ZNF91: variants seen among roughly 807,000 people sequenced by gnomAD.
ZNF91 encodes the protein zinc finger protein 91, also known as zinc finger protein 91 (HPF7, HTF10).
In ZNF91, 7 loss-of-function variants were observed where a neutral mutation model predicts 12.6. The observed-to-expected ratio is 0.55, with a 90% CI of 0.31 to 1.04. ZNF91 has a LOEUF of 1.04. Among genes scored for constraint, ZNF91 ranks in the 50% least tolerant of loss-of-function variants. ZNF91 has a pLI of 0.05. For synonymous variants in ZNF91, 453 were observed against 462.6 expected, an observed-to-expected ratio of 0.98 and a Z score of 0.27; for missense variants, 1,217 against 1,385.4, an observed-to-expected ratio of 0.88 and a Z score of 1.93.
rs765123317 is a variant in ZNF91, at chr19:23,395,340, A to T, written c.15T>A (p.Pro5=). Residue 5 remains proline, a synonymous_variant, in exon 1 of 4, where the codon CCT becomes CCA. Transcript: ENST00000300619. ...GCAGTCTCACCATTTCTAGGCTTCC[A>T]GGGGTTCCTGGCATCTTAGCTGTGG... MPGT[P]GSLEMGLLTF... is the part of the protein sequence containing the mutation. 2 of 1,613,764 alleles carry T rather than the reference A, an allele frequency of 1.2e-6. No homozygotes were observed. The highest frequency in any genetic ancestry group is 4.5e-5 in the East Asian group (2 of 44,864).
intron 3 of ZNF91, among the ~76,000 whole-genome samples, chr19:23,369,002 T>C (rs551967483): frequency 1.3e-5 from 2 of 152,254 alleles, no homozygotes; most frequent in Non-Finnish European, 2.9e-5. Context: ...ACCAAATCTC[T>C]TGATAATGCA....
At chr19:23,363,672 G>A (rs913357516) in intron 3 of ZNF91, among the ~76,000 whole-genome samples, 1 of 152,028 alleles carries the variant, frequency 6.6e-6, no homozygotes, top group African/African-American at 2.4e-5. Context: ...GCAATATGAT[G>A]CCACCAAAAT....
At chr19:23,309,024 T>G (rs1285664059) in exon 2 of ZNF91, 2 of 150,750 alleles carry the variant, frequency 1.3e-5, no homozygotes, top group Non-Finnish European at 2.9e-5. Flanking sequence ...GCAGAAGCAC[T>G]GCCCAAAGGA....
downstream of ZNF91, chr19:23,338,281 A>G (rs1030693372): frequency 6.6e-6 from 1 of 152,154 alleles, no homozygotes; most frequent in Non-Finnish European, 1.5e-5. Context: ...GCATCTAGTA[A>G]TTTATAAAGA....
chr19:23,315,456 G>C (rs1304331898), upstream of ZNF91, among the ~76,000 whole-genome samples: 5 of 152,104 alleles, frequency 3.3e-5, no homozygotes, highest in Non-Finnish European at 7.4e-5. Flanking sequence ...CCACAGAAGG[G>C]ATAATGAATT....
In ZNF91 at chr19:23,359,879, A is replaced by T; in HGVS notation, c.3100T>A (p.Ser1034Thr). ...CEECGKAFNR[S>T]SKLTTHKIIH... ...ATCTTATGTGTAGTAAGCTTTGAGG[A>T]TCGATTAAAAGCTTTGCCACATTCT... Residue 1034 changes from serine to threonine, a missense_variant, in exon 4 of 4, where the codon TCC becomes ACC. Physicochemically the swap from Ser to Thr is moderately conservative, Grantham distance 58 (BLOSUM62 1). This residue lies in a region of ZNF91 where 491 missense variants were observed against 489.8 expected (regional missense o/e 1.00). Transcript: ENST00000300619. 6.3e-7 allele frequency: 1 copy of T among 1,589,004 alleles called. No individual in the cohort carries two copies. Among genetic ancestry groups the T allele is most frequent in the Non-Finnish European group, 8.6e-7 (1 of 1,160,642 alleles).
intron 1 of ZNF91, among the ~76,000 whole-genome samples, chr19:23,317,754 G>A (rs532976744): frequency 6.6e-5 from 10 of 152,286 alleles, no homozygotes; most frequent in African/African-American, 2.2e-4. Context: ...CACCTGTGAG[G>A]CTGTGACTCT....
chr19:23,318,155 C>A (rs1315722634), intron 1 of ZNF91, among the ~76,000 whole-genome samples: 2 of 152,196 alleles, frequency 1.3e-5, no homozygotes, highest in Non-Finnish European at 2.9e-5. Flanking sequence ...TCTGTTTTGT[C>A]ACTGTGCACA....
intron 1 of ZNF91, among the ~76,000 whole-genome samples, chr19:23,377,379 T>C (rs1969541416): frequency 6.6e-6 from 1 of 152,246 alleles, no homozygotes; most frequent in South Asian, 2.1e-4. Context: ...ATTGGCCATG[T>C]GCTTCTAATT....
In ZNF91 at chr19:23,374,650, G is replaced by C; in HGVS notation, c.145C>G (p.Leu49Val). The C allele has an allele frequency of 1.2e-6, 2 of 1,611,550 alleles. No homozygotes were observed. Among genetic ancestry groups the C allele is most frequent in the Admixed American group, 1.7e-5 (1 of 59,862 alleles). ...AAGTTTTCCTTACCCAGGAAGGCCAGGTTTCTGTAGTTCTCTAACATCACA... is the reference window on the plus strand; with the variant it reads ...AAGTTTTCCTTACCCAGGAAGGCCACGTTTCTGTAGTTCTCTAACATCACA... ...RNVMLENYRN[L>V]AFLGIALSKP... The change falls in exon 2 of 4, where the codon CTG becomes GTG. Residue 49 changes from leucine (L) to valine (V), a missense_variant. This residue lies in a region of ZNF91 where 726 missense variants were observed against 895.5 expected (regional missense o/e 0.81). Coordinates refer to ENST00000300619, the MANE Select transcript of ZNF91 (RefSeq NM_003430.4).
rs553301699 is a variant in ZNF91 at position 23,351,282 on chromosome 19, C to T, written c.254-12228G>A. Among the ~76,000 whole-genome samples the T allele has an allele frequency of 6.0e-5, 9 of 151,258 alleles. No individual in the cohort carries two copies. In the East Asian group the frequency reaches 1.2e-3, roughly 20 times the overall value. On this transcript the variant is annotated intron_variant, in intron 3 of 3. Transcript: ENST00000599743. ...GAGGTTACAGTGAGCCAAGATCACA[C>T]CACTGCACTCCAGCTGGGGAGACAG...
intron 3 of ZNF91, among the ~76,000 whole-genome samples, chr19:23,345,661 A>G (rs1968210012): frequency 6.7e-6 from 1 of 148,960 alleles, no homozygotes; most frequent in Admixed American, 6.7e-5. Context: ...CCCAGCCCCT[A>G]CCTCTCCCTC....
intron 1 of ZNF91, chr19:23,380,392 G>C (rs756308204): frequency 1.4e-5 from 2 of 147,194 alleles, no homozygotes; most frequent in Non-Finnish European, 3.0e-5. Context: ...CATTATCTAA[G>C]CCACAGTTTC....
rs1198887943 is a variant in ZNF91, at chr19:23,361,942, C to T, written c.1037G>A (p.Gly346Glu). The T allele has an allele frequency of 6.2e-7, 1 of 1,612,560 alleles. No individual in the cohort carries two copies. ...TTCTTTACATTTGTAGGGTTTCTCT[C>T]CAGTATGAATTCTCTTATGTTTAGC... Reference protein sequence around the residue: ...TLAKHKRIHTGEKPYKCKECG... With the variant: ...TLAKHKRIHTEEKPYKCKECG... The change falls in exon 4 of 4, where the codon GGA (glycine) becomes GAA (glutamate). Residue 346 changes from glycine (G) to glutamate (E), a missense_variant. By Grantham distance (98) the Gly-to-Glu change is moderately conservative (BLOSUM62 -2). Around this residue, in one of 2 missense-constraint regions of ZNF91, gnomAD observed 726 missense variants for 895.5 expected, o/e 0.81. Transcript: ENST00000300619.
chr19:23,366,209 C>T (rs1405880391), intron 3 of ZNF91, among the ~76,000 whole-genome samples: 1 of 151,862 alleles, frequency 6.6e-6, no homozygotes, highest in Non-Finnish European at 1.5e-5. Flanking sequence ...ACCCCCCCAC[C>T]TCCCTCCCAG....
At chr19:23,349,406 A>C in intron 3 of ZNF91, among the ~76,000 whole-genome samples, 1 of 152,098 alleles carries the variant, frequency 6.6e-6, no homozygotes, top group East Asian at 1.9e-4. Context: ...ACAGAAAATA[A>C]CCTACATTGA....
At chr19:23,309,223 A>T (rs1307822206) in intron 1 of ZNF91, 1 of 152,130 alleles carries the variant, frequency 6.6e-6, no homozygotes, top group Non-Finnish European at 1.5e-5. Context: ...GCTGGTCCCA[A>T]CTTATACTGT....
exon 4 of ZNF91, chr19:23,338,753 C>T (rs1968063935): frequency 6.6e-6 from 1 of 152,054 alleles, no homozygotes; most frequent in African/African-American, 2.4e-5. Context: ...TTAAATCCTT[C>T]ATTGAAATGT....
chr19:23,383,482 G>GT lies in ZNF91; in HGVS notation c.31-8719dup, dbSNP rs1449386122. ...GCAGGTGGATCGCCTGAGGTCAGGA[G>GT]TTTGAGATCAACCTGGCTGACATAG... On this transcript the variant is annotated intron_variant, in intron 1 of 3. Transcript: ENST00000300619. Among the ~76,000 whole-genome samples the GT allele has an allele frequency of 3.9e-5, 6 of 152,222 alleles. No individual in the cohort carries two copies. In the East Asian group the frequency reaches 1.2e-3, roughly 30 times the overall value.
Sources: gnomAD v4.1 joint callset for allele counts (sites outside exome capture counted in the v4.1 genomes callset) on GRCh38, gnomAD v4.1.1 for gene constraint, gnomAD v4.1.1 regional missense constraint, MANE v1.5 for transcripts, NCBI Gene and HGNC (gene_info 2026-07-23, HGNC 2026-07-21) for gene names.